SOX5: variants seen among roughly 807,000 people sequenced by gnomAD.
SOX5 encodes the protein SRY-box transcription factor 5.
A neutral mutation model predicts 92.0 loss-of-function variants in SOX5; 9 were observed. The observed-to-expected ratio is 0.10, with a 90% CI of 0.06 to 0.17. SOX5 has a LOEUF of 0.17. SOX5 is among the 10% of genes least tolerant of loss of function. The pLI is 1.00. For missense variants in SOX5, 642 were observed against 944.5 expected, an observed-to-expected ratio of 0.68 and a Z score of 4.20; for synonymous variants, 344 against 336.3, an observed-to-expected ratio of 1.02 and a Z score of -0.25.
intron 1 of SOX5, among the ~76,000 whole-genome samples, chr12:24,415,023 C>T (rs534941636): frequency 1.5e-4 from 23 of 152,238 alleles, no homozygotes; most frequent in Admixed American, 4.6e-4. Context: ...CATGTAAAAG[C>T]CCCAAAGTGG....
intron 6 of SOX5, among the ~76,000 whole-genome samples, chr12:23,719,804 A>AAAAAAAC (rs2092711819): frequency 6.7e-6 from 1 of 150,346 alleles, no homozygotes; most frequent in African/African-American, 2.5e-5. Context: ...AAAAAAAAAA[A>AAAAAAAC]AAAAAAACTG....
intron 6 of SOX5, among the ~76,000 whole-genome samples, chr12:23,718,074 AT>A (rs1451900137): frequency 4.6e-5 from 7 of 152,302 alleles, no homozygotes; most frequent in African/African-American, 1.4e-4. Flanking sequence ...GTTCATGATA[AT>A]TTTTAAAAAC....
intron 2 of SOX5, among the ~76,000 whole-genome samples, chr12:24,343,462 A>G (rs1304751174): frequency 6.6e-6 from 1 of 150,538 alleles, no homozygotes; most frequent in African/African-American, 2.4e-5. Context: ...ATAGGTATAT[A>G]TTATATATAT....
intron 1 of SOX5, among the ~76,000 whole-genome samples, chr12:24,413,938 C>T (rs1030633810): frequency 6.6e-6 from 1 of 152,182 alleles, no homozygotes; most frequent in Non-Finnish European, 1.5e-5. Context: ...AAGAGACTGT[C>T]CTCAATTCCC....
Position 23,833,872 on chromosome 12 carries a change from C to A in SOX5, c.481+12111G>T, listed in dbSNP as rs74644911. ...GAAAGGCAGAAATTGTTTAAAAAGA[C>A]AAATTACACCTAGTCAGTTTGTAGG... On this transcript the variant is annotated intron_variant, in intron 3 of 14. Coordinates refer to ENST00000451604, the MANE Select transcript of SOX5 (RefSeq NM_006940.6). Among the ~76,000 whole-genome samples, 42 of 151,930 alleles carry A rather than the reference C, an allele frequency of 2.8e-4. 1 individual carries two copies. In the East Asian group the frequency reaches 7.0e-3, roughly 25 times the overall value.
chr12:23,673,885 T>C (rs1024252945), intron 6 of SOX5, among the ~76,000 whole-genome samples: 1 of 152,110 alleles, frequency 6.6e-6, no homozygotes, highest in African/African-American at 2.4e-5. Context: ...CACTGAATTA[T>C]ATACTTTAAA....
At chr12:23,896,518 T>C (rs16926853) in intron 1 of SOX5, among the ~76,000 whole-genome samples, 2,842 of 152,268 alleles carry the variant, frequency 0.019, 39 homozygotes, top group Non-Finnish European at 0.028. Context: ...AAGATTATTG[T>C]AAAATGTAGA....
chr12:23,589,559 TG>T (rs1475953587), intron 9 of SOX5, among the ~76,000 whole-genome samples: 1 of 151,886 alleles, frequency 6.6e-6, no homozygotes, highest in Non-Finnish European at 1.5e-5. Context: ...AAGAGGTAAA[TG>T]GCGAATACTT....
chr12:23,987,684 G>A (rs1429145457), intron 4 of SOX5, among the ~76,000 whole-genome samples: 4 of 152,110 alleles, frequency 2.6e-5, no homozygotes, highest in African/African-American at 4.8e-5. Flanking sequence ...TCCCAGCTAC[G>A]AGGGAGGCTT....
intron 2 of SOX5, among the ~76,000 whole-genome samples, chr12:24,319,247 C>T (rs993378494): frequency 6.6e-6 from 1 of 152,198 alleles, no homozygotes; most frequent in Non-Finnish European, 1.5e-5. Context: ...ACTAAGCATG[C>T]TCATTCACGC....
rs1593359314 is a variant in SOX5 at position 23,695,135 on chromosome 12, C to T, written c.811-29571G>A. 3.3e-5 allele frequency among the ~76,000 whole-genome samples: 4 copies of T among 121,484 alleles called. No individual in the cohort carries two copies. The South Asian group carries it at 1.1e-3, about 34-fold the overall frequency. 79.7% of individuals were successfully genotyped at this position (121,484 alleles called of 152,430 possible). A position where few individuals can be genotyped will look rare whatever the true frequency, so the allele number is the denominator to read the frequency against. On this transcript the variant is annotated intron_variant, in intron 6 of 14. Coordinates refer to ENST00000451604, the MANE Select transcript of SOX5 (RefSeq NM_006940.6). Reference sequence around the variant, plus strand: ...CCTTGTCTCAAAAAAAAAAAAAAATCAATTGAACATACATTTGTGTGTGTA... The same window carrying T: ...CCTTGTCTCAAAAAAAAAAAAAAATTAATTGAACATACATTTGTGTGTGTA...
intron 1 of SOX5, among the ~76,000 whole-genome samples, chr12:24,553,620 C>T (rs996565034): frequency 4.6e-5 from 7 of 152,204 alleles, no homozygotes; most frequent in African/African-American, 1.7e-4. Context: ...CTATGGTTAC[C>T]CATTTCAAAT....
chr12:23,726,613 G>A (rs1030381250), intron 6 of SOX5, among the ~76,000 whole-genome samples: 32 of 152,014 alleles, frequency 2.1e-4, no homozygotes, highest in Non-Finnish European at 4.0e-4. Context: ...CATTCCCAGG[G>A]GCGTATATAA....
intron 3 of SOX5, among the ~76,000 whole-genome samples, chr12:23,825,231 G>A (rs1594803286): frequency 6.6e-6 from 1 of 152,160 alleles, no homozygotes; most frequent in Non-Finnish European, 1.5e-5. Flanking sequence ...GGCACCCAAG[G>A]GAATCTCCTG....
At position 24,327,385 on chromosome 12, in the gene SOX5, CTTTTTTTTTTTTTTTTTTTTTTTTTTTT is replaced by C. The variant is rs71063311; in HGVS notation, c.-174+41150_-174+41177del. 1.1e-3 allele frequency among the ~76,000 whole-genome samples: 61 copies of C among 56,688 alleles called. 2 individuals are homozygous for C. The highest frequency in any genetic ancestry group is 0.014 in the Middle Eastern group (1 of 70). 37.2% of individuals were successfully genotyped at this position (56,688 alleles called of 152,430 possible). A position where few individuals can be genotyped will look rare whatever the true frequency, so the allele number is the denominator to read the frequency against. On this transcript the variant is annotated intron_variant, in intron 2 of 4. Transcript: ENST00000446891. ...AAATGAAGGGCTAGAGCAATGGAGA[CTTTTTTTTTTTTTTTTTTTTTTTTTTTT>C]TTTTTTTTTTTTTTTTTTTGAGATG...
chr12:24,432,804 G>T (rs1938616711), intron 1 of SOX5, among the ~76,000 whole-genome samples: 1 of 152,014 alleles, frequency 6.6e-6, no homozygotes, highest in East Asian at 1.9e-4. Context: ...GAGCGAGACT[G>T]TCTAAAAAAA....
chr12:23,777,916 T>C (rs940193825), intron 3 of SOX5, among the ~76,000 whole-genome samples: 7 of 152,350 alleles, frequency 4.6e-5, no homozygotes, highest in African/African-American at 1.4e-4. Context: ...ATGGCTCTCA[T>C]GGTTTGAGCA....
At chr12:23,553,035 C>T (rs11046972) in intron 11 of SOX5, among the ~76,000 whole-genome samples, 14,450 of 151,982 alleles carry the variant, frequency 0.095, 853 homozygotes, top group East Asian at 0.23. Context: ...ACTGAAGTCT[C>T]TTTTTCAGGT....
intron 4 of SOX5, among the ~76,000 whole-genome samples, chr12:24,154,878 CTT>C (rs1952008950): frequency 6.6e-6 from 1 of 151,958 alleles, no homozygotes. Flanking sequence ...TGGGTATAAA[CTT>C]TATTTGGAAA....
Sources: gnomAD v4.1 joint callset for allele counts (sites outside exome capture counted in the v4.1 genomes callset) on GRCh38, gnomAD v4.1.1 for gene constraint, MANE v1.5 for transcripts, NCBI Gene and HGNC (gene_info 2026-07-23, HGNC 2026-07-21) for gene names.